EDA: variants seen among roughly 807,000 people sequenced by gnomAD.
EDA encodes the protein ectodysplasin A, also known as ectodysplasin-A.
EDA carries 2 observed loss-of-function variants against 23.6 expected under a neutral mutation model. The observed-to-expected ratio is 0.08, with a 90% CI of 0.03 to 0.27. The LOEUF is 0.27. EDA is among the 10% of genes least tolerant of loss of function. The pLI, the probability that EDA is intolerant of heterozygous loss-of-function variation, is 1.00. For synonymous variants in EDA, 131 were observed against 132.0 expected (o/e 0.99, Z 0.05); for missense variants, 229 against 324.2 (o/e 0.71, Z 2.26).
At chrX:69,957,729 C>T (rs1042288343) in intron 2 of EDA, among the ~76,000 whole-genome samples, 1 of 111,174 alleles carries the variant, frequency 9.0e-6, no homozygotes, top group Admixed American at 9.6e-5. Flanking sequence ...ATAAGGGCCT[C>T]ATCTCTCCCG....
intron 1 of EDA, among the ~76,000 whole-genome samples, chrX:69,868,320 A>C: frequency 8.9e-6 from 1 of 112,055 alleles, no homozygotes; most frequent in African/African-American, 3.2e-5. Flanking sequence ...AATACACTCA[A>C]ATGAGGAATG....
chrX:69,743,263 C>G (rs955989990), intron 1 of EDA, among the ~76,000 whole-genome samples: 31 of 111,802 alleles, frequency 2.8e-4, no homozygotes, highest in Admixed American at 6.7e-4. Context: ...ACTGCTGCTG[C>G]TACTACTACT....
At chrX:69,800,267 T>C (rs2015650830) in intron 1 of EDA, among the ~76,000 whole-genome samples, 1 of 111,322 alleles carries the variant, frequency 9.0e-6, no homozygotes, top group Non-Finnish European at 1.9e-5. Context: ...AGAGATTGGT[T>C]AATGAGAATA....
intron 1 of EDA, among the ~76,000 whole-genome samples, chrX:69,621,373 T>C (rs1049474723): frequency 5.4e-5 from 6 of 112,088 alleles, no homozygotes; most frequent in African/African-American, 1.9e-4. Flanking sequence ...GTATAACTCA[T>C]ACACAGAAAA....
chrX:69,713,751 T>C (rs762082393), intron 1 of EDA, among the ~76,000 whole-genome samples: 1 of 111,894 alleles, frequency 8.9e-6, no homozygotes, highest in Non-Finnish European at 1.9e-5. Context: ...AACTGTAGTT[T>C]GTTTAACCAG....
intron 1 of EDA, among the ~76,000 whole-genome samples, chrX:69,741,759 C>T (rs2013466739): frequency 8.9e-6 from 1 of 111,907 alleles, no homozygotes; most frequent in African/African-American, 3.2e-5. Context: ...ATGTGTCTTT[C>T]CCTGATTCTC....
At chrX:69,724,170 T>C (rs756730170) in intron 1 of EDA, among the ~76,000 whole-genome samples, 15 of 111,782 alleles carry the variant, frequency 1.3e-4, no homozygotes, top group East Asian at 1.1e-3. Flanking sequence ...TTGGTTTGTT[T>C]ATATGCTTGT....
chrX:69,705,240 G>C (rs1281865161), intron 1 of EDA, among the ~76,000 whole-genome samples: 1 of 72,343 alleles, frequency 1.4e-5, no homozygotes, highest in African/African-American at 4.2e-5. Context: ...AAAAAAAAAA[G>C]AAAGAAAGAA....
chrX:69,831,547 A>T (rs777819225), intron 1 of EDA, among the ~76,000 whole-genome samples: 1 of 112,342 alleles, frequency 8.9e-6, no homozygotes, highest in Non-Finnish European at 1.9e-5. Context: ...TATTGGCATG[A>T]TTTATAATCC....
chrX:69,803,161 T>C (rs144133029), intron 1 of EDA, among the ~76,000 whole-genome samples: 33 of 111,736 alleles, frequency 3.0e-4, no homozygotes, highest in Admixed American at 9.5e-5. Context: ...AACCCTTCTG[T>C]GAATATTCTC....
intron 1 of EDA, among the ~76,000 whole-genome samples, chrX:69,833,031 T>G (rs2016660213): frequency 9.0e-6 from 1 of 111,383 alleles, no homozygotes; most frequent in South Asian, 3.8e-4. Context: ...TACCCTTTAT[T>G]TATTTCTCCT....
At chrX:70,006,305 C>A (rs1006025648) in intron 2 of EDA, among the ~76,000 whole-genome samples, 10 of 112,293 alleles carry the variant, frequency 8.9e-5, no homozygotes, top group African/African-American at 3.2e-4. Flanking sequence ...GCCAACCTGA[C>A]TTCCAAAGTG....
intron 1 of EDA, among the ~76,000 whole-genome samples, chrX:69,758,011 A>G (rs1348035987): frequency 8.9e-6 from 1 of 112,231 alleles, no homozygotes. Flanking sequence ...CATCATGCTC[A>G]AGCGATTTGT....
chrX:69,828,457 G>T (rs1360392935), intron 1 of EDA, among the ~76,000 whole-genome samples: 2 of 111,809 alleles, frequency 1.8e-5, no homozygotes, highest in African/African-American at 6.5e-5. Context: ...GGAGTGACCC[G>T]ATTTTCCAGG....
At chrX:69,840,907 C>T (rs1350142300) in intron 1 of EDA, among the ~76,000 whole-genome samples, 2 of 111,570 alleles carry the variant, frequency 1.8e-5, no homozygotes, top group Admixed American at 1.9e-4. Flanking sequence ...TTTCTACATG[C>T]CTTAATCCCA....
rs780798448 is a variant in EDA at position 69,782,473 on chromosome X, G to C, written c.396+165769G>C. Reference sequence around the variant, plus strand: ...CTTGCCCAGAATTTATTTTGGTCTTGTGTGGCCACACAAATGTGTGTCTTA... The same window carrying C: ...CTTGCCCAGAATTTATTTTGGTCTTCTGTGGCCACACAAATGTGTGTCTTA... On this transcript the variant is annotated intron_variant, in intron 1 of 7. Transcript: ENST00000374552. 1.1e-4 allele frequency among the ~76,000 whole-genome samples: 12 copies of C among 109,500 alleles called. No individual in the cohort carries two copies. In the South Asian group the frequency reaches 2.8e-3, roughly 25 times the overall value.
chrX:69,714,956 A>T (rs2012258406), intron 1 of EDA, among the ~76,000 whole-genome samples: 1 of 110,797 alleles, frequency 9.0e-6, no homozygotes. Flanking sequence ...AATTATAGTA[A>T]ACCTGTGGAT....
chrX:69,870,382 C>T (rs892016770), intron 1 of EDA, among the ~76,000 whole-genome samples: 2 of 111,111 alleles, frequency 1.8e-5, no homozygotes, highest in Non-Finnish European at 3.8e-5. Flanking sequence ...TCATGGGTCA[C>T]ACTCTCAAAC....
intron 1 of EDA, among the ~76,000 whole-genome samples, chrX:69,796,531 A>T (rs1210181977): frequency 5.3e-5 from 6 of 112,342 alleles, no homozygotes; most frequent in Non-Finnish European, 1.1e-4. Context: ...TCAAAGCCAA[A>T]GTGCCCTGCT....
Sources: allele counts gnomAD v4.1 joint callset (sites outside exome capture counted in the v4.1 genomes callset), GRCh38; gene constraint gnomAD v4.1.1; transcripts MANE v1.5; gene names NCBI Gene and HGNC (gene_info 2026-07-23, HGNC 2026-07-21).